RIN2: variants seen among roughly 807,000 people sequenced by gnomAD.
RIN2 encodes Ras and Rab interactor 2, also known as RAB5 interacting protein 2.
Under a neutral mutation model 78.0 loss-of-function variants are expected in RIN2, and 36 were observed. The ratio of observed to expected loss-of-function variants is 0.46; its 90% confidence interval spans 0.35 to 0.61. RIN2 has a LOEUF of 0.61. Ranked by LOEUF, RIN2 falls within the 20% of genes least tolerant of loss-of-function variation. RIN2 has a pLI of 0.00. For missense variants in RIN2, 1,087 were observed against 1,159.7 expected (o/e 0.94, Z 0.91); for synonymous variants, 466 against 466.8 (o/e 1.00, Z 0.02).
At chr20:19,847,548 G>A (rs1206870779) in intron 2 of RIN2, among the ~76,000 whole-genome samples, 2 of 152,172 alleles carry the variant, frequency 1.3e-5, no homozygotes, top group Non-Finnish European at 1.5e-5. Context: ...TAGAAGTGTG[G>A]CACCCAGCAC....
intron 2 of RIN2, among the ~76,000 whole-genome samples, chr20:19,884,818 T>C (rs2038129396): frequency 6.6e-6 from 1 of 152,052 alleles, no homozygotes; most frequent in Non-Finnish European, 1.5e-5. Context: ...ACAAAAAGCA[T>C]TAAAAGGAGA....
chr20:19,992,078 C>T, intron 10 of RIN2, 90 bp from the exon 11 acceptor site: 1 of 1,464,866 alleles, frequency 6.8e-7, no homozygotes, highest in Non-Finnish European at 9.3e-7. Flanking sequence ...CCCAGAGTGA[C>T]TCCTTGCTGT....
chr20:19,974,552 G>A (rs2042206014), intron 8 of RIN2, 102 bp from the exon 9 acceptor site: 5 of 1,207,218 alleles, frequency 4.1e-6, no homozygotes, highest in Admixed American at 2.3e-5. Context: ...ACCCCACCCC[G>A]CAAGACTCGC....
At chr20:19,788,450 C>CAAAAAAAAAAAA (rs908072671) in intron 1 of RIN2, among the ~76,000 whole-genome samples, 6 of 103,518 alleles carry the variant, frequency 5.8e-5, no homozygotes, top group African/African-American at 1.8e-4. Context: ...AAAAAAAAAA[C>CAAAAAAAAAAAA]AACTAGCTAG....
chr20:19,812,965 A>G (rs2035650077), intron 2 of RIN2, among the ~76,000 whole-genome samples: 2 of 152,212 alleles, frequency 1.3e-5, no homozygotes, highest in South Asian at 4.1e-4. Flanking sequence ...GGTCTGATCA[A>G]GAGTCACTTG....
chr20:19,827,256 G>A lies in RIN2; in HGVS notation c.-37+27509G>A, dbSNP rs183885958. The stretch of plus-strand genomic sequence containing the variant: ...CTCCCAAAGTGCTGGGATTACAGGC[G>A]TGAGCCACCACACCCCGCCTTTTTC... On this transcript the variant is annotated intron_variant, in intron 2 of 12. Transcript: ENST00000255006. Among the ~76,000 whole-genome samples, 1,421 of 152,212 alleles carry A rather than the reference G, an allele frequency of 9.3e-3. 11 individuals carry two copies. Among genetic ancestry groups the A allele is most frequent in the Non-Finnish European group, 0.016 (1,056 of 67,998 alleles).
At chr20:19,827,286 T>A (rs1373775561) in intron 2 of RIN2, among the ~76,000 whole-genome samples, 2 of 152,188 alleles carry the variant, frequency 1.3e-5, no homozygotes, top group Non-Finnish European at 2.9e-5. Flanking sequence ...TTTTTCTAAT[T>A]TTCTAGTCTA....
chr20:19,847,656 C>T (rs2036829636), intron 2 of RIN2, among the ~76,000 whole-genome samples: 1 of 152,042 alleles, frequency 6.6e-6, no homozygotes, highest in Non-Finnish European at 1.5e-5. Context: ...GATTTAGAAA[C>T]ATAATGAAAA....
intron 3 of RIN2, among the ~76,000 whole-genome samples, chr20:19,921,892 G>GTC (rs2039942085): frequency 6.6e-6 from 1 of 151,826 alleles, no homozygotes; most frequent in Non-Finnish European, 1.5e-5. Flanking sequence ...TTGTGACAGG[G>GTC]TCTCTCTCTG....
At chr20:19,789,552 C>G (rs2034821235) in intron 1 of RIN2, among the ~76,000 whole-genome samples, 1 of 152,114 alleles carries the variant, frequency 6.6e-6, no homozygotes, top group Non-Finnish European at 1.5e-5. Flanking sequence ...GGTTTACTTA[C>G]TTTCTCTTGC....
chr20:19,945,230 C>T (rs560562754), intron 4 of RIN2, among the ~76,000 whole-genome samples: 6 of 152,276 alleles, frequency 3.9e-5, no homozygotes, highest in East Asian at 3.9e-4. Context: ...TCCACCTAAC[C>T]GCTGAAGATT....
chr20:19,889,179 CCTT>C (rs2038328141), intron 2 of RIN2: 7 of 985,448 alleles, frequency 7.1e-6, no homozygotes, highest in Non-Finnish European at 8.4e-6. Context: ...TACAGAACCT[CCTT>C]CTTCAGCTGT....
intron 1 of RIN2, among the ~76,000 whole-genome samples, chr20:19,763,562 T>C (rs1383541428): frequency 6.6e-6 from 1 of 152,072 alleles, no homozygotes; most frequent in African/African-American, 2.4e-5. Context: ...TAAATGACAC[T>C]GTTTTTTGTA....
chr20:20,001,153 A>T lies in RIN2; in HGVS notation c.*217A>T. On this transcript the variant is annotated 3_prime_UTR_variant, in exon 13 of 13. Coordinates refer to ENST00000255006, the MANE Select transcript of RIN2 (RefSeq NM_018993.4). ...TAGGATTCTCTTTTGGCAATGGAGAATTGCATCTGATGGTTCAAGTGTCCT... is the reference window on the plus strand; with the variant it reads ...TAGGATTCTCTTTTGGCAATGGAGATTTGCATCTGATGGTTCAAGTGTCCT... 1 of 545,658 alleles carries T rather than the reference A, an allele frequency of 1.8e-6. No homozygotes were observed. Among genetic ancestry groups the T allele is most frequent in the Non-Finnish European group, 3.3e-6 (1 of 306,026 alleles). The allele number at this position is 545,658 out of a possible 1,614,324, so 33.8% of individuals were successfully genotyped here.
At chr20:19,924,991 G>T (rs1031795617) in intron 3 of RIN2, among the ~76,000 whole-genome samples, 2 of 150,826 alleles carry the variant, frequency 1.3e-5, no homozygotes, top group South Asian at 4.2e-4. Flanking sequence ...CACCCGCCTC[G>T]GCCTCCCAAA....
At chr20:19,793,941 C>A (rs1168729845) in intron 1 of RIN2, among the ~76,000 whole-genome samples, 1 of 152,128 alleles carries the variant, frequency 6.6e-6, no homozygotes, top group African/African-American at 2.4e-5. Flanking sequence ...GAGCCAACAC[C>A]AGAGATGTGG....
intron 9 of RIN2, 56 bp from the exon 10 acceptor site, chr20:19,989,950 G>GT: frequency 7.0e-7 from 1 of 1,437,774 alleles, no homozygotes; most frequent in Non-Finnish European, 9.2e-7. Flanking sequence ...GAAAGCAGAT[G>GT]TTGCATTTCT....
Position 19,928,731 on chromosome 20 carries a change from G to A in RIN2, c.58-6368G>A, listed in dbSNP as rs561406238. 4.6e-5 allele frequency among the ~76,000 whole-genome samples: 7 copies of A among 152,190 alleles called. No individual in the cohort carries two copies. The South Asian group carries it at 6.2e-4, about 14-fold the overall frequency. ...AGGCTTCTCAAGGTGTGTTATGCAC[G>A]AATGCAGGACGAGGGAGTGGACCCA... On this transcript the variant is annotated intron_variant, in intron 3 of 12. Coordinates refer to ENST00000255006, the MANE Select transcript of RIN2 (RefSeq NM_018993.4).
intron 1 of RIN2, among the ~76,000 whole-genome samples, chr20:19,769,933 A>G (rs944420037): frequency 9.9e-5 from 15 of 152,266 alleles, no homozygotes; most frequent in African/African-American, 3.4e-4. Context: ...TGTAAGAGAA[A>G]AAGTAATCAA....
Sources: gnomAD v4.1 joint callset for allele counts (sites outside exome capture counted in the v4.1 genomes callset) on GRCh38, gnomAD v4.1.1 for gene constraint, MANE v1.5 for transcripts, NCBI Gene and HGNC (gene_info 2026-07-23, HGNC 2026-07-21) for gene names.